Variants in SMOX observed in about 807,000 individuals in gnomAD.
SMOX encodes the protein flavin containing amine oxidase.
Under a neutral mutation model 51.0 loss-of-function variants are expected in SMOX, and 22 were observed. The ratio of observed to expected loss-of-function variants is 0.43; its 90% CI spans 0.31 to 0.62. SMOX has a LOEUF of 0.62. SMOX is among the 20% of genes least tolerant of loss of function. The probability of loss-of-function intolerance (pLI) is 0.10; values close to 1 mark genes in which losing one functional copy is unlikely to be tolerated. For missense variants in SMOX, 566 were observed against 777.7 expected (o/e 0.73, Z 3.24); for synonymous variants, 282 against 307.8 (o/e 0.92, Z 0.88).
intron 1 of SMOX, among the ~76,000 whole-genome samples, chr20:4,159,387 C>T (rs2122410658): frequency 6.6e-6 from 1 of 152,338 alleles, no homozygotes; most frequent in East Asian, 1.9e-4. Context: ...GCTGAGATTA[C>T]AGGTGTGAGC....
chr20:4,161,041 G>GT (rs2122422369), intron 1 of SMOX, among the ~76,000 whole-genome samples: 1 of 152,336 alleles, frequency 6.6e-6, no homozygotes, highest in East Asian at 1.9e-4. Context: ...CTCAGTTCTT[G>GT]TAAGTGGTTT....
Position 4,149,020 on chromosome 20 carries a change from C to T in SMOX, c.-27+43C>T, listed in dbSNP as rs1241478086. On this transcript the variant is annotated intron_variant, in intron 1 of 6. Coordinates refer to ENST00000305958, the MANE Select transcript of SMOX (RefSeq NM_175839.3). This position sits in a 1 kb window ranked among gnomAD's most constrained non-coding sequence, Gnocchi z 6.0. ...TCCGGCCCCGGGCCCCGGCTCTCAGCCTCCCCCGGGCGCAGGCAGGGGCTG... is the reference window on the plus strand; with the variant it reads ...TCCGGCCCCGGGCCCCGGCTCTCAGTCTCCCCCGGGCGCAGGCAGGGGCTG... 6.6e-6 allele frequency: 1 copy of T among 150,586 alleles called. No individual in the cohort carries two copies. 9.3% of individuals were successfully genotyped at this position (150,586 alleles called of 1,614,324 possible). A position where few individuals can be genotyped will look rare whatever the true frequency, so the allele number is the denominator to read the frequency against.
chr20:4,165,203 G>A (rs369709993), intron 1 of SMOX, among the ~76,000 whole-genome samples: 1 of 151,836 alleles, frequency 6.6e-6, no homozygotes, highest in South Asian at 2.1e-4. Flanking sequence ...TAACAGGCAC[G>A]TGCCACCACA....
rs1978986172 is a variant in SMOX at position 4,177,720 on chromosome 20, G to A, written c.435+143G>A. 4.5e-6 allele frequency: 3 copies of A among 669,462 alleles called. No homozygotes were observed. Among genetic ancestry groups the A allele is most frequent in the East Asian group, 2.7e-5 (1 of 36,388 alleles). The allele number at this position is 669,462 out of a possible 1,614,324, so 41.5% of individuals were successfully genotyped here. On this transcript the variant is annotated intron_variant, in intron 3 of 6. Transcript: ENST00000305958. This position sits in a 1 kb window ranked among gnomAD's most constrained non-coding sequence, Gnocchi z 4.3. ...GAGGGTAAAATGAAAATATTCAGTG[G>A]GATAGAACTGATTTTTATATATTGA... is the stretch of plus-strand genomic sequence containing the variant.
At chr20:4,159,331 C>T (rs1986199014) in intron 1 of SMOX, among the ~76,000 whole-genome samples, 1 of 152,154 alleles carries the variant, frequency 6.6e-6, no homozygotes, top group Admixed American at 6.5e-5. Flanking sequence ...AGGCTGGTCT[C>T]AAACTCCTGA....
chr20:4,165,463 G>C (rs1402927143), intron 1 of SMOX, among the ~76,000 whole-genome samples: 1 of 152,196 alleles, frequency 6.6e-6, no homozygotes, highest in African/African-American at 2.4e-5. Context: ...GCTTCCTAAA[G>C]CACTGGAATT....
intron 1 of SMOX, among the ~76,000 whole-genome samples, chr20:4,161,073 C>G (rs1006039739): frequency 3.3e-5 from 5 of 152,246 alleles, no homozygotes; most frequent in African/African-American, 1.2e-4. Context: ...GCGGAAAGTG[C>G]TGACTGAGCT....
At chr20:4,150,066 T>TA (rs1985658149) in intron 1 of SMOX, among the ~76,000 whole-genome samples, 1 of 152,200 alleles carries the variant, frequency 6.6e-6, no homozygotes, top group South Asian at 2.1e-4. Context: ...TTTCTTCAGT[T>TA]ACCTCCTCTC....
chr20:4,152,021 C>T (rs1207089719), intron 1 of SMOX, among the ~76,000 whole-genome samples: 2 of 152,124 alleles, frequency 1.3e-5, no homozygotes, highest in African/African-American at 4.8e-5. Context: ...TTTCTTTCCA[C>T]AAAAGCAACT....
rs950663755 is a variant in SMOX, at chr20:4,181,680, C to T, written c.436-123C>T. 1.7e-6 allele frequency: 2 copies of T among 1,200,270 alleles called. No homozygotes were observed. The highest frequency in any genetic ancestry group is 2.3e-6 in the Non-Finnish European group (2 of 851,338). 74.4% of individuals were successfully genotyped at this position (1,200,270 alleles called of 1,614,324 possible). A position where few individuals can be genotyped will look rare whatever the true frequency, so the allele number is the denominator to read the frequency against. Reference sequence around the variant, plus strand: ...AGTGCAACATCGGATCCCTAAGGGACAGAGACCAGGGGCTCAGTGCATCCA... The same window carrying T: ...AGTGCAACATCGGATCCCTAAGGGATAGAGACCAGGGGCTCAGTGCATCCA... On this transcript the variant is annotated intron_variant, in intron 3 of 6. Coordinates refer to ENST00000305958, the MANE Select transcript of SMOX (RefSeq NM_175839.3). The surrounding 1 kb of genome is among the most constrained non-coding windows in gnomAD (Gnocchi z 5.6).
intron 1 of SMOX, among the ~76,000 whole-genome samples, chr20:4,161,833 G>A (rs1028947993): frequency 6.6e-6 from 1 of 152,136 alleles, no homozygotes; most frequent in Non-Finnish European, 1.5e-5. Context: ...TTGAATGAAC[G>A]AAAAATCTGT....
intron 3 of SMOX, among the ~76,000 whole-genome samples, chr20:4,180,682 C>A (rs1445846049): frequency 6.6e-6 from 1 of 152,162 alleles, no homozygotes; most frequent in Non-Finnish European, 1.5e-5. Context: ...CTTGCTGCCC[C>A]CTCCAGCAAA....
chr20:4,182,871 C>T lies in SMOX; in HGVS notation c.1369+23C>T, dbSNP rs772227171. ...CAGGTGCGCCACGTGCCCCACGACC[C>T]GCTTCCCCCACCCTGCTTCTTCCTC... On this transcript the variant is annotated intron_variant, in intron 5 of 6. Transcript: ENST00000305958. The surrounding 1 kb of genome is among the most constrained non-coding windows in gnomAD (Gnocchi z 8.4). The T allele has an allele frequency of 5.5e-5, 87 of 1,587,322 alleles. No individual in the cohort carries two copies. In the African/African-American group the frequency reaches 8.8e-4, roughly 16 times the overall value.
chr20:4,157,916 T>C (rs1402637713), intron 1 of SMOX, among the ~76,000 whole-genome samples: 1 of 152,038 alleles, frequency 6.6e-6, no homozygotes, highest in Non-Finnish European at 1.5e-5. Context: ...TTTTATTTTT[T>C]TTGAGTTGGA....
chr20:4,175,357 TG>T, intron 2 of SMOX, 94 bp downstream of exon 2: 1 of 1,384,804 alleles, frequency 7.2e-7, no homozygotes, highest in Non-Finnish European at 9.9e-7. Context: ...TTTTAACTTC[TG>T]GGATAAATGT....
chr20:4,180,536 C>T (rs1979242756), intron 3 of SMOX, among the ~76,000 whole-genome samples: 1 of 152,212 alleles, frequency 6.6e-6, no homozygotes, highest in African/African-American at 2.4e-5. Context: ...GGCATGTGAT[C>T]CTGCCGCCTT....
intron 1 of SMOX, among the ~76,000 whole-genome samples, chr20:4,151,811 T>C (rs773609056): frequency 5.3e-5 from 8 of 152,196 alleles, no homozygotes; most frequent in Non-Finnish European, 8.8e-5. Context: ...ACTTGACTTA[T>C]CTGGCTTCTT....
At chr20:4,155,768 T>G (rs868228741) in intron 1 of SMOX, among the ~76,000 whole-genome samples, 4 of 151,822 alleles carry the variant, frequency 2.6e-5, no homozygotes, top group Non-Finnish European at 5.9e-5. Flanking sequence ...AGGACACTGG[T>G]GGGTTGAGTC....
rs1263698878 is a variant in SMOX, at chr20:4,172,810, AG to A, written c.-26-2213del. 4.5e-3 allele frequency among the ~76,000 whole-genome samples: 19 copies of A among 4,226 alleles called. No homozygotes were observed. In the East Asian group the frequency reaches 0.17, roughly 37 times the overall value. 2.8% of individuals were successfully genotyped at this position (4,226 alleles called of 152,430 possible). ...AGGGGCTGGAGGGTGGGTGGGTGGG[AG>A]GGGGGGTGGTGGAGGGAGGATTCCC... On this transcript the variant is annotated intron_variant, in intron 1 of 6. Transcript: ENST00000305958. The surrounding 1 kb of genome is among the most constrained non-coding windows in gnomAD (Gnocchi z 7.7).
Sources: allele counts gnomAD v4.1 joint callset (sites outside exome capture counted in the v4.1 genomes callset), GRCh38; gene constraint gnomAD v4.1.1; non-coding constraint Gnocchi (gnomAD v3.1); transcripts MANE v1.5; gene names NCBI Gene and HGNC (gene_info 2026-07-23, HGNC 2026-07-21).